Variants in PTPRD observed in about 807,000 individuals in gnomAD.
The protein encoded by PTPRD is receptor-type tyrosine-protein phosphatase delta.
A neutral mutation model predicts 214.5 loss-of-function variants in PTPRD; 34 were observed. The ratio of observed to expected loss-of-function variants is 0.16; its 90% confidence interval spans 0.12 to 0.21. The LOEUF is 0.21. Among genes scored for constraint, PTPRD ranks in the 10% least tolerant of loss-of-function variants. The pLI, the probability that PTPRD is intolerant of heterozygous loss-of-function variation, is 1.00. For missense variants in PTPRD, 2,545 were observed against 2,398.7 expected (o/e 1.06, Z -1.27); for synonymous variants, 1,128 against 845.7 (o/e 1.33, Z -5.79).
intron 5 of PTPRD, among the ~76,000 whole-genome samples, chr9:9,935,069 G>A (rs1425311642): frequency 6.6e-6 from 1 of 152,098 alleles, no homozygotes; most frequent in Non-Finnish European, 1.5e-5. Context: ...TTGATGGGAT[G>A]TATTTCAAAA....
intron 10 of PTPRD, among the ~76,000 whole-genome samples, chr9:9,061,834 T>G (rs1183909722): frequency 1.3e-5 from 2 of 152,132 alleles, no homozygotes; most frequent in Non-Finnish European, 2.9e-5. Flanking sequence ...TCTATCCTCC[T>G]GTAGAGAGGC....
At chr9:9,953,513 C>A (rs1752688778) in intron 4 of PTPRD, among the ~76,000 whole-genome samples, 1 of 152,038 alleles carries the variant, frequency 6.6e-6, no homozygotes, top group Non-Finnish European at 1.5e-5. Context: ...CACACACACA[C>A]ACACACACAC....
At chr9:8,950,305 T>G (rs73640972) in intron 11 of PTPRD, among the ~76,000 whole-genome samples, 7,115 of 152,092 alleles carry the variant, frequency 0.047, 342 homozygotes, top group African/African-American at 0.12. Context: ...ATAGAGAAAA[T>G]GCAAGGGCAA....
chr9:8,968,202 C>T (rs1374136366), intron 11 of PTPRD, among the ~76,000 whole-genome samples: 2 of 152,064 alleles, frequency 1.3e-5, no homozygotes, highest in Non-Finnish European at 2.9e-5. Flanking sequence ...GTGAATAGTG[C>T]TGCAATAAAC....
chr9:9,648,399 A>C (rs1016928762), intron 7 of PTPRD, among the ~76,000 whole-genome samples: 4 of 152,210 alleles, frequency 2.6e-5, no homozygotes, highest in Non-Finnish European at 5.9e-5. Flanking sequence ...GTTTATTTTT[A>C]AAGTATGGTC....
At chr9:9,819,893 T>C (rs770112174) in intron 5 of PTPRD, among the ~76,000 whole-genome samples, 1 of 152,156 alleles carries the variant, frequency 6.6e-6, no homozygotes, top group African/African-American at 2.4e-5. Context: ...TTCAGTCCAT[T>C]GTTGATGGAC....
At position 9,129,605 on chromosome 9, in the gene PTPRD, T is replaced by C. The variant is rs74394258; in HGVS notation, c.-143+53699A>G. On this transcript the variant is annotated intron_variant, in intron 10 of 45. Transcript: ENST00000381196. ...AAATTTTATATCACTATAGGTAATA[T>C]GCTACCCCTTAAGTGGTAGCTGTGC... 4.0e-3 allele frequency among the ~76,000 whole-genome samples: 604 copies of C among 152,294 alleles called. 3 individuals are homozygous for C. Among genetic ancestry groups the C allele is most frequent in the African/African-American group, 0.013 (560 of 41,570 alleles).
chr9:8,597,574 T>TA (rs1184799155), intron 14 of PTPRD, among the ~76,000 whole-genome samples: 1 of 152,064 alleles, frequency 6.6e-6, no homozygotes, highest in African/African-American at 2.4e-5. Flanking sequence ...AAAGATCAAA[T>TA]AAAAAACAGA....
intron 4 of PTPRD, among the ~76,000 whole-genome samples, chr9:9,956,364 G>C (rs536637252): frequency 2.6e-5 from 4 of 151,500 alleles, no homozygotes; most frequent in African/African-American, 9.7e-5. Flanking sequence ...CTGAGAGTCA[G>C]ATGATCAGAA....
At chr9:8,547,502 G>C (rs1024160145) in intron 14 of PTPRD, among the ~76,000 whole-genome samples, 4 of 151,968 alleles carry the variant, frequency 2.6e-5, no homozygotes, top group African/African-American at 9.7e-5. Flanking sequence ...AATTAGCCTG[G>C]TGTGGTGGCA....
intron 30 of PTPRD, 98 bp downstream of exon 30, chr9:8,484,021 A>C (rs2096946313): frequency 6.3e-6 from 9 of 1,434,620 alleles, no homozygotes; most frequent in South Asian, 4.1e-5. Context: ...TCACTACATT[A>C]AGCAGTATCT....
intron 2 of PTPRD, among the ~76,000 whole-genome samples, chr9:10,488,780 T>A (rs895032362): frequency 6.6e-6 from 1 of 152,060 alleles, no homozygotes; most frequent in African/African-American, 2.4e-5. Context: ...ATCATCAATG[T>A]TCCCTTAGGG....
chr9:10,328,506 C>A (rs2096688357), intron 3 of PTPRD, among the ~76,000 whole-genome samples: 1 of 151,880 alleles, frequency 6.6e-6, no homozygotes, highest in South Asian at 2.1e-4. Context: ...CCCATAGGAA[C>A]TTGTTAGCAA....
At chr9:8,341,572 G>A in intron 40 of PTPRD, 121 bp downstream of exon 40, 1 of 1,165,424 alleles carries the variant, frequency 8.6e-7, no homozygotes, top group Non-Finnish European at 1.2e-6. Context: ...TCATACACCT[G>A]AGGGAAAGGT....
At position 10,460,089 on chromosome 9, in the gene PTPRD, C is replaced by A. The variant is rs557177948; in HGVS notation, c.-599-119072G>T. On this transcript the variant is annotated intron_variant, in intron 2 of 45. Transcript: ENST00000381196. ...TACCCAACTTTGGAGCATATCTATA[C>A]ACAAATAACGACCTAGACCAAAAAT... is the stretch of plus-strand genomic sequence containing the variant. 2.0e-5 allele frequency among the ~76,000 whole-genome samples: 3 copies of A among 152,078 alleles called. No individual in the cohort carries two copies. In the East Asian group the frequency reaches 5.8e-4, roughly 29 times the overall value.
At chr9:10,435,131 G>A (rs148794834) in intron 2 of PTPRD, among the ~76,000 whole-genome samples, 13 of 151,898 alleles carry the variant, frequency 8.6e-5, no homozygotes, top group African/African-American at 3.1e-4. Flanking sequence ...CCAAGGACTC[G>A]AGGAAGCCAA....
At chr9:9,159,569 A>C in intron 10 of PTPRD, among the ~76,000 whole-genome samples, 1 of 152,186 alleles carries the variant, frequency 6.6e-6, no homozygotes, top group Non-Finnish European at 1.5e-5. Context: ...AATACAAATC[A>C]GTAGAATAAT....
chr9:9,917,754 GGGAGT>G (rs1207967666), intron 5 of PTPRD, among the ~76,000 whole-genome samples: 8 of 152,062 alleles, frequency 5.3e-5, no homozygotes, highest in African/African-American at 1.4e-4. Flanking sequence ...ATGATTAAAT[GGGAGT>G]TATCTCAGAA....
chr9:8,775,134 T>C (rs893917002), intron 11 of PTPRD, among the ~76,000 whole-genome samples: 9 of 152,178 alleles, frequency 5.9e-5, no homozygotes, highest in Non-Finnish European at 1.2e-4. Context: ...ATTAATTGTA[T>C]TGGTATTTAA....
Sources: allele counts gnomAD v4.1 joint callset (sites outside exome capture counted in the v4.1 genomes callset), GRCh38; gene constraint gnomAD v4.1.1; transcripts MANE v1.5; gene names NCBI Gene and HGNC (gene_info 2026-07-23, HGNC 2026-07-21).